The following KLF13 variants were observed in gnomAD, a reference collection of about 807,000 sequenced individuals.
KLF13 encodes KLF transcription factor 13, also known as Krueppel-like factor 13.
A neutral mutation model predicts 16.7 loss-of-function variants in KLF13; 8 were observed. The observed-to-expected ratio is 0.48, with a 90% CI of 0.28 to 0.87. The LOEUF is 0.87. Ranked by LOEUF, KLF13 falls within the 40% of genes least tolerant of loss-of-function variation. The pLI is 0.10. For missense variants in KLF13, 447 were observed against 452.2 expected (o/e 0.99, Z 0.10); for synonymous variants, 245 against 208.4 (o/e 1.18, Z -1.51).
chr15:31,372,384 T>C lies in KLF13; in HGVS notation c.*85T>C. 2 of 1,327,784 alleles carry C rather than the reference T, an allele frequency of 1.5e-6. No individual in the cohort carries two copies. The highest frequency in any genetic ancestry group is 3.2e-5 in the Admixed American group (1 of 30,792). The allele number at this position is 1,327,784 out of a possible 1,614,324, so 82.3% of individuals were successfully genotyped here. ...TGTAATAAGAAAGAAGAGAGAGAAC[T>C]TGATGCAAAGTCCACGAAAAAACAA... is the stretch of plus-strand genomic sequence containing the variant. On this transcript the variant is annotated 3_prime_UTR_variant, in exon 2 of 2. Coordinates refer to ENST00000307145, the MANE Select transcript of KLF13 (RefSeq NM_015995.4).
intron 2 of KLF13, among the ~76,000 whole-genome samples, chr15:31,399,148 A>T (rs982229639): frequency 2.6e-5 from 4 of 152,122 alleles, no homozygotes; most frequent in African/African-American, 9.7e-5. Context: ...TCCCTCTGAA[A>T]ACAAGGGGCC....
intron 1 of KLF13, among the ~76,000 whole-genome samples, chr15:31,361,702 C>T (rs921674545): frequency 2.0e-5 from 3 of 152,082 alleles, no homozygotes; most frequent in African/African-American, 4.8e-5. Context: ...AGCACGGGCA[C>T]CTGGGGTGCA....
chr15:31,428,833 A>AAAAAGT, intron 1 of KLF13, among the ~76,000 whole-genome samples: 1 of 150,762 alleles, frequency 6.6e-6, no homozygotes, highest in Non-Finnish European at 1.5e-5. Flanking sequence ...AAAGAAAAAG[A>AAAAAGT]AAAAGAAATG....
At chr15:31,330,435 C>T (rs923304708) in intron 1 of KLF13, among the ~76,000 whole-genome samples, 3 of 152,184 alleles carry the variant, frequency 2.0e-5, no homozygotes, top group Admixed American at 6.5e-5. Context: ...CTGTGCTGTT[C>T]CTCTATGTGA....
At chr15:31,370,266 G>C (rs2039537824) in intron 1 of KLF13, among the ~76,000 whole-genome samples, 1 of 151,900 alleles carries the variant, frequency 6.6e-6, no homozygotes, top group Non-Finnish European at 1.5e-5. Flanking sequence ...TGCTTCAGCA[G>C]TACCAGGAGA....
At chr15:31,378,873 C>T (rs2039690186), downstream of KLF13, among the ~76,000 whole-genome samples, 1 of 152,112 alleles carries the variant, frequency 6.6e-6, no homozygotes, top group South Asian at 2.1e-4. Context: ...ATGTCTGCCA[C>T]CACGCCCAGG....
intron 1 of KLF13, among the ~76,000 whole-genome samples, chr15:31,356,793 G>C (rs990388819): frequency 6.6e-6 from 1 of 152,190 alleles, no homozygotes; most frequent in Non-Finnish European, 1.5e-5. Flanking sequence ...TGCACCTCCC[G>C]GTCTCTTTGC....
intron 1 of KLF13, among the ~76,000 whole-genome samples, chr15:31,413,187 C>CAAAAA (rs1161762538): frequency 3.2e-4 from 20 of 63,318 alleles, no homozygotes; most frequent in East Asian, 4.9e-4. Context: ...AATGAATAGA[C>CAAAAA]AAAAAAAAAA....
upstream of KLF13, among the ~76,000 whole-genome samples, chr15:31,388,120 G>T (rs2039814339): frequency 6.6e-6 from 1 of 152,218 alleles, no homozygotes; most frequent in African/African-American, 2.4e-5. Flanking sequence ...ACCTGGAAGT[G>T]CCTGAACATG....
intron 1 of KLF13, among the ~76,000 whole-genome samples, chr15:31,360,581 G>A (rs1008651609): frequency 1.1e-4 from 16 of 152,140 alleles, no homozygotes; most frequent in African/African-American, 3.9e-4. Flanking sequence ...TGGCTCCATG[G>A]GCCTGGGCTG....
intron 2 of KLF13, among the ~76,000 whole-genome samples, chr15:31,402,806 G>A (rs2040057480): frequency 6.6e-6 from 1 of 152,150 alleles, no homozygotes. Context: ...AGGCTGTTCT[G>A]GCTCAGCCAA....
chr15:31,378,287 G>A (rs1476631416), downstream of KLF13, among the ~76,000 whole-genome samples: 1 of 152,148 alleles, frequency 6.6e-6, no homozygotes, highest in Non-Finnish European at 1.5e-5. Flanking sequence ...AACCCCAGAT[G>A]CGCTGCTTGC....
At chr15:31,327,975 T>C (rs1177184108) in intron 1 of KLF13, among the ~76,000 whole-genome samples, 186 bp downstream of exon 1, 1 of 147,030 alleles carries the variant, frequency 6.8e-6, no homozygotes, top group Admixed American at 6.7e-5. Context: ...AGGCGGGTCT[T>C]GGCTCTCGGA....
rs1010764795 is a variant in KLF13 at position 31,376,569 on chromosome 15, A to G, written c.*4270A>G. ...ATTACCCCAGGAAGAACCAGGTCCT[A>G]TTACTAATTTTCCTGATTCTGAGGC... is the stretch of plus-strand genomic sequence containing the variant. On this transcript the variant is annotated 3_prime_UTR_variant, in exon 2 of 2. Coordinates refer to ENST00000307145, the MANE Select transcript of KLF13 (RefSeq NM_015995.4). The G allele has an allele frequency of 6.6e-6, 1 of 152,612 alleles. No homozygotes were observed. The highest frequency in any genetic ancestry group is 1.5e-5 in the Non-Finnish European group (1 of 68,040). The allele number at this position is 152,612 out of a possible 1,614,324, so 9.5% of individuals were successfully genotyped here. A position where few individuals can be genotyped will look rare whatever the true frequency, so the allele number is the denominator to read the frequency against.
At chr15:31,362,385 A>G (rs930716186) in intron 1 of KLF13, among the ~76,000 whole-genome samples, 50 of 152,222 alleles carry the variant, frequency 3.3e-4, no homozygotes, top group African/African-American at 1.2e-3. Flanking sequence ...CTTTATTGCT[A>G]TTTTTGAGTT....
intron 1 of KLF13, among the ~76,000 whole-genome samples, chr15:31,362,786 C>T (rs746142389): frequency 2.0e-5 from 3 of 152,176 alleles, no homozygotes; most frequent in Non-Finnish European, 4.4e-5. Context: ...CACATACAGG[C>T]CAAGGCGCAC....
intron 1 of KLF13, among the ~76,000 whole-genome samples, chr15:31,434,061 T>C (rs1027085697): frequency 6.6e-6 from 1 of 152,184 alleles, no homozygotes; most frequent in African/African-American, 2.4e-5. Context: ...CCCAGAGAGA[T>C]TCCCACCTAG....
chr15:31,434,724 G>A (rs1408922215), intron 1 of KLF13, among the ~76,000 whole-genome samples: 2 of 152,188 alleles, frequency 1.3e-5, no homozygotes, highest in Non-Finnish European at 2.9e-5. Flanking sequence ...AGGCTTCTTG[G>A]AGCTCCCCTT....
intron 1 of KLF13, chr15:31,420,148 C>G (rs1349742300): frequency 1.1e-5 from 5 of 473,504 alleles, no homozygotes; most frequent in Non-Finnish European, 2.0e-5. Context: ...AAGACCATAA[C>G]CCAGCAGCCA....
Sources: gnomAD v4.1 joint callset for allele counts (sites outside exome capture counted in the v4.1 genomes callset) on GRCh38, gnomAD v4.1.1 for gene constraint, MANE v1.5 for transcripts, NCBI Gene and HGNC (gene_info 2026-07-23, HGNC 2026-07-21) for gene names.